The following HNRNPR variants were observed in gnomAD, a reference collection of about 807,000 sequenced individuals.
HNRNPR encodes heterogeneous nuclear ribonucleoprotein R.
In HNRNPR, 4 loss-of-function variants were observed where a neutral mutation model predicts 70.3. The ratio of observed to expected loss-of-function variants is 0.06; its 90% CI spans 0.03 to 0.13. HNRNPR has a LOEUF of 0.13. Ranked by LOEUF, HNRNPR falls within the 10% of genes least tolerant of loss-of-function variation. HNRNPR has a pLI of 1.00. For synonymous variants in HNRNPR, 241 were observed against 267.6 expected (o/e 0.90, Z 0.97); for missense variants, 423 against 788.5 (o/e 0.54, Z 5.55).
intron 5 of HNRNPR, among the ~76,000 whole-genome samples, chr1:23,330,256 G>A (rs1646160672): frequency 6.6e-6 from 1 of 152,086 alleles, no homozygotes; most frequent in Non-Finnish European, 1.5e-5. Context: ...ACAGAACTTG[G>A]CCAGGCGAGG....
At chr1:23,334,923 G>T (rs918880193) in intron 4 of HNRNPR, among the ~76,000 whole-genome samples, 19 of 145,378 alleles carry the variant, frequency 1.3e-4, no homozygotes, top group South Asian at 6.5e-4. Flanking sequence ...AGTTTTTTTG[G>T]TTTTTTTTTT....
At position 23,304,862 on chromosome 1, in the gene HNRNPR, A is replaced by C. The variant is rs1645180527; in HGVS notation, c.*5592T>G. On this transcript the variant is annotated 3_prime_UTR_variant, in exon 11 of 11. Transcript: ENST00000302271. ...TTTCTTATGTTACTATATCCATATC[A>C]GCAATTTATGTTTGCAGGAGCCTTC... The C allele has an allele frequency of 6.6e-6, 1 of 152,210 alleles. No individual in the cohort carries two copies. Among genetic ancestry groups the C allele is most frequent in the Non-Finnish European group, 1.5e-5 (1 of 68,036 alleles). 9.4% of individuals were successfully genotyped at this position (152,210 alleles called of 1,614,324 possible).
At chr1:23,327,826 G>A (rs957659511) in intron 5 of HNRNPR, among the ~76,000 whole-genome samples, 8 of 151,922 alleles carry the variant, frequency 5.3e-5, no homozygotes, top group African/African-American at 1.9e-4. Flanking sequence ...CCCTACAGGG[G>A]TAAATTTGAG....
chr1:23,311,534 T>C, intron 9 of HNRNPR: 1 of 412,086 alleles, frequency 2.4e-6, no homozygotes, highest in Non-Finnish European at 4.3e-6. Context: ...ATACATAAAT[T>C]ACATTTAGAA....
chr1:23,321,921 TATTTTA>T (rs1292781261), intron 6 of HNRNPR, among the ~76,000 whole-genome samples: 2 of 152,238 alleles, frequency 1.3e-5, no homozygotes, highest in Non-Finnish European at 2.9e-5. Context: ...TCTTATTTCA[TATTTTA>T]ATTTTATCTA....
chr1:23,335,362 A>G (rs1293703044), intron 4 of HNRNPR, among the ~76,000 whole-genome samples: 1 of 152,232 alleles, frequency 6.6e-6, no homozygotes, highest in Non-Finnish European at 1.5e-5. Context: ...AATGTAATAT[A>G]AAACAGGGGT....
intron 6 of HNRNPR, among the ~76,000 whole-genome samples, chr1:23,322,376 C>T (rs1645794747): frequency 6.6e-6 from 1 of 152,052 alleles, no homozygotes; most frequent in Non-Finnish European, 1.5e-5. Context: ...GCTGGGACTA[C>T]AGGCGTGCGC....
At chr1:23,341,469 T>C (rs1646701118) in intron 1 of HNRNPR, among the ~76,000 whole-genome samples, 1 of 152,188 alleles carries the variant, frequency 6.6e-6, no homozygotes, top group African/African-American at 2.4e-5. Flanking sequence ...TTCCTGGCTC[T>C]GCTTCAAATA....
Position 23,308,141 on chromosome 1 carries a change from A to G in HNRNPR, c.*2313T>C, listed in dbSNP as rs1248786748. 1 of 152,072 alleles carries G rather than the reference A, an allele frequency of 6.6e-6. No homozygotes were observed. Among genetic ancestry groups the G allele is most frequent in the Non-Finnish European group, 1.5e-5 (1 of 67,916 alleles). 9.4% of individuals were successfully genotyped at this position (152,072 alleles called of 1,614,324 possible). A position where few individuals can be genotyped will look rare whatever the true frequency, so the allele number is the denominator to read the frequency against. On this transcript the variant is annotated 3_prime_UTR_variant, in exon 11 of 11. Transcript: ENST00000302271. ...TTTAAAATAGCCACAAAACCTATAA[A>G]CCAAATATTAGAGGGTACCTCTGCA... is the stretch of plus-strand genomic sequence containing the variant.
intron 5 of HNRNPR, among the ~76,000 whole-genome samples, chr1:23,333,249 C>CTA (rs1196532266): frequency 3.7e-4 from 56 of 152,254 alleles, no homozygotes; most frequent in Non-Finnish European, 2.9e-5. Context: ...CTCCAAGTAT[C>CTA]TAAAATGGTG....
At chr1:23,316,818 T>C (rs1340070974) in intron 8 of HNRNPR, among the ~76,000 whole-genome samples, 1 of 152,296 alleles carries the variant, frequency 6.6e-6, no homozygotes, top group Non-Finnish European at 1.5e-5. Context: ...AACTCAGAGC[T>C]ATTTAAATTC....
intron 2 of HNRNPR, among the ~76,000 whole-genome samples, chr1:23,339,796 CCAT>C (rs1284077144): frequency 1.3e-5 from 2 of 152,096 alleles, no homozygotes; most frequent in Non-Finnish European, 2.9e-5. Context: ...CTCAGGACAC[CCAT>C]CAATCCATTT....
rs1035104762 is a variant in HNRNPR at position 23,310,314 on chromosome 1, A to G, written c.*140T>C. On this transcript the variant is annotated 3_prime_UTR_variant, in exon 11 of 11. Coordinates refer to ENST00000302271, the MANE Select transcript of HNRNPR (RefSeq NM_005826.5). The surrounding 1 kb of genome is among the most constrained non-coding windows in gnomAD (Gnocchi z 6.0). ...ATAAAAAGACTTGAGTATATACACA[A>G]TAGTGATTTCTTCAGCCCAATACAA... is the stretch of plus-strand genomic sequence containing the variant. The G allele has an allele frequency of 1.3e-6, 1 of 768,700 alleles. No individual in the cohort carries two copies. The highest frequency in any genetic ancestry group is 2.4e-5 in the Admixed American group (1 of 41,232). The allele number at this position is 768,700 out of a possible 1,614,324, so 47.6% of individuals were successfully genotyped here. A position where few individuals can be genotyped will look rare whatever the true frequency, so the allele number is the denominator to read the frequency against.
rs375148462 is a variant in HNRNPR at position 23,338,535 on chromosome 1, C to A, written c.231G>T (p.Leu77=). ...ALREFNEEGA[L]SVLQQFKESD... is the part of the protein sequence containing the mutation. ...TTTCCTTGAACTGCTGTAGTACAGA[C>A]AGAGCTCCTTCTTCATTAAATTCCC... The change falls in exon 3 of 11, where the codon CTG becomes CTT. Residue 77 remains leucine (L), a synonymous_variant. Coordinates refer to ENST00000302271, the MANE Select transcript of HNRNPR (RefSeq NM_005826.5). 49 of 1,598,254 alleles carry A rather than the reference C, an allele frequency of 3.1e-5. No individual in the cohort carries two copies. The African/African-American group carries it at 5.7e-4, about 18-fold the overall frequency.
chr1:23,311,507 C>T (rs1645337632), intron 9 of HNRNPR, among the ~76,000 whole-genome samples, 185 bp from the exon 10 acceptor site: 1 of 152,120 alleles, frequency 6.6e-6, no homozygotes, highest in Admixed American at 6.5e-5. Context: ...ATACGTTTCC[C>T]TTGACCTTAT....
chr1:23,306,984 A>C lies in HNRNPR; in HGVS notation c.*3470T>G, dbSNP rs577805461. ...ATAAATCCAGTGTAGTCTTTCTATA[A>C]GGCTTTTTCTTAGTTGCTCACTTAA... On this transcript the variant is annotated 3_prime_UTR_variant, in exon 11 of 11. Coordinates refer to ENST00000302271, the MANE Select transcript of HNRNPR (RefSeq NM_005826.5). 1 of 152,292 alleles carries C rather than the reference A, an allele frequency of 6.6e-6. No individual in the cohort carries two copies. The highest frequency in any genetic ancestry group is 1.5e-5 in the Non-Finnish European group (1 of 68,016). The allele number at this position is 152,292 out of a possible 1,614,324, so 9.4% of individuals were successfully genotyped here. A position where few individuals can be genotyped will look rare whatever the true frequency, so the allele number is the denominator to read the frequency against.
At chr1:23,330,291 C>A (rs1018687368) in intron 5 of HNRNPR, among the ~76,000 whole-genome samples, 8 of 150,578 alleles carry the variant, frequency 5.3e-5, no homozygotes, top group Admixed American at 4.6e-4. Context: ...AATCCCAGCA[C>A]TTTGGGAGGC....
chr1:23,317,718 C>T (rs1222014345), intron 8 of HNRNPR, among the ~76,000 whole-genome samples: 1 of 151,476 alleles, frequency 6.6e-6, no homozygotes, highest in African/African-American at 2.4e-5. Flanking sequence ...GGCACGGTGG[C>T]TCATGCCTTA....
At chr1:23,331,530 A>G (rs1557900979) in intron 5 of HNRNPR, among the ~76,000 whole-genome samples, 2 of 152,082 alleles carry the variant, frequency 1.3e-5, no homozygotes, top group Non-Finnish European at 2.9e-5. Flanking sequence ...AAAAATACCA[A>G]AACTACAAAA....
Sources: allele counts gnomAD v4.1 joint callset (sites outside exome capture counted in the v4.1 genomes callset), GRCh38; gene constraint gnomAD v4.1.1; non-coding constraint Gnocchi (gnomAD v3.1); transcripts MANE v1.5; gene names NCBI Gene and HGNC (gene_info 2026-07-23, HGNC 2026-07-21).